The following TBC1D9 variants were observed in gnomAD, a reference collection of about 807,000 sequenced individuals.
TBC1D9 encodes TBC1 domain family member 9.
In TBC1D9, 63 loss-of-function variants were observed where a neutral mutation model predicts 132.0. The ratio of observed to expected loss-of-function variants is 0.48; its 90% CI spans 0.39 to 0.59. The LOEUF is 0.59. Ranked by LOEUF, TBC1D9 falls within the 20% of genes least tolerant of loss-of-function variation. The probability of loss-of-function intolerance (pLI) is 0.00; values close to 1 mark genes in which losing one functional copy is unlikely to be tolerated. For missense variants in TBC1D9, 1,261 were observed against 1,592.7 expected (o/e 0.79, Z 3.54); for synonymous variants, 610 against 609.9 (o/e 1.00, Z 0.00).
intron 1 of TBC1D9, among the ~76,000 whole-genome samples, chr4:140,731,544 G>T (rs1738589799): frequency 6.6e-6 from 1 of 151,910 alleles, no homozygotes; most frequent in Admixed American, 6.6e-5. Flanking sequence ...TAAAATAAAG[G>T]TTTCTAGAAC....
At chr4:140,711,351 G>A (rs990732605) in intron 1 of TBC1D9, among the ~76,000 whole-genome samples, 3 of 152,138 alleles carry the variant, frequency 2.0e-5, no homozygotes, top group Non-Finnish European at 4.4e-5. Context: ...GGCCTTTTTG[G>A]TGTGGTAGGA....
chr4:140,643,897 G>A, intron 13 of TBC1D9: 1 of 709,726 alleles, frequency 1.4e-6, no homozygotes, highest in South Asian at 1.4e-5. Flanking sequence ...AGTGGCAGCG[G>A]CAACTCCAGA....
At chr4:140,723,102 T>C (rs893516113) in intron 1 of TBC1D9, among the ~76,000 whole-genome samples, 2 of 152,224 alleles carry the variant, frequency 1.3e-5, no homozygotes, top group South Asian at 2.1e-4. Flanking sequence ...GTCTGAGTGA[T>C]TATGGCATCT....
intron 20 of TBC1D9, 110 bp downstream of exon 20, chr4:140,624,006 C>T (rs1374233350): frequency 1.6e-5 from 10 of 619,640 alleles, no homozygotes; most frequent in Middle Eastern, 8.8e-4. Context: ...AGTAAAGGCC[C>T]CAGTTATTAT....
intron 2 of TBC1D9, among the ~76,000 whole-genome samples, chr4:140,691,510 G>C (rs1737878144): frequency 6.6e-6 from 1 of 152,194 alleles, no homozygotes; most frequent in South Asian, 2.1e-4. Context: ...ACTCAGAAGA[G>C]AAAGGAAGGG....
At chr4:140,670,415 C>T (rs566949693) in intron 7 of TBC1D9, among the ~76,000 whole-genome samples, 2 of 152,274 alleles carry the variant, frequency 1.3e-5, no homozygotes, top group African/African-American at 4.8e-5. Flanking sequence ...TATTTAGTGA[C>T]CTCTGTACCA....
At chr4:140,741,212 A>G (rs1560901784) in intron 1 of TBC1D9, among the ~76,000 whole-genome samples, 3 of 152,240 alleles carry the variant, frequency 2.0e-5, no homozygotes, top group Admixed American at 6.5e-5. Flanking sequence ...TGACTCTAGT[A>G]TAGCATTACA....
rs1470018921 is a variant in TBC1D9 at position 140,620,946 on chromosome 4, G to T, written c.*1249C>A. The T allele has an allele frequency of 1.3e-5, 2 of 152,532 alleles. No homozygotes were observed. The highest frequency in any genetic ancestry group is 2.9e-5 in the Non-Finnish European group (2 of 67,996). 9.4% of individuals were successfully genotyped at this position (152,532 alleles called of 1,614,324 possible). A position where few individuals can be genotyped will look rare whatever the true frequency, so the allele number is the denominator to read the frequency against. On this transcript the variant is annotated 3_prime_UTR_variant, in exon 21 of 21. Coordinates refer to ENST00000442267, the MANE Select transcript of TBC1D9 (RefSeq NM_015130.3). Reference sequence around the variant, plus strand: ...AATAAAATAAAGGAATGTGTTGAAAGAAATATTCCAAAGAAGCAAAGGAAA... The same window carrying T: ...AATAAAATAAAGGAATGTGTTGAAATAAATATTCCAAAGAAGCAAAGGAAA...
intron 2 of TBC1D9, among the ~76,000 whole-genome samples, chr4:140,687,843 T>C (rs1737812345): frequency 6.6e-6 from 1 of 152,110 alleles, no homozygotes; most frequent in African/African-American, 2.4e-5. Flanking sequence ...CCTGGCACTT[T>C]GGGAGGCTAA....
At position 140,669,085 on chromosome 4, in the gene TBC1D9, A is replaced by G. The variant is rs774163176; in HGVS notation, c.1438-18T>C. Reference sequence around the variant, plus strand: ...TCTTTGGCCTGAAAGGGATAATGAAACATTATGACATCCAAAGTACCCTGA... The same window carrying G: ...TCTTTGGCCTGAAAGGGATAATGAAGCATTATGACATCCAAAGTACCCTGA... On this transcript the variant is annotated intron_variant, in intron 8 of 20. Transcript: ENST00000442267. 3.1e-6 allele frequency: 5 copies of G among 1,613,148 alleles called. No homozygotes were observed. In the South Asian group the frequency reaches 5.5e-5, roughly 18 times the overall value.
chr4:140,704,172 T>C (rs1018732178), intron 1 of TBC1D9, among the ~76,000 whole-genome samples: 17 of 151,554 alleles, frequency 1.1e-4, no homozygotes, highest in Admixed American at 2.0e-4. Context: ...CTGGGGCGGG[T>C]GGATCACTTG....
At chr4:140,649,742 G>A (rs1327162806) in intron 13 of TBC1D9, among the ~76,000 whole-genome samples, 2 of 152,080 alleles carry the variant, frequency 1.3e-5, no homozygotes, top group African/African-American at 4.8e-5. Context: ...GGTGAGGGGG[G>A]CAGAGGAGGC....
chr4:140,734,522 T>C (rs1265838618), intron 1 of TBC1D9, among the ~76,000 whole-genome samples: 1 of 152,136 alleles, frequency 6.6e-6, no homozygotes, highest in Non-Finnish European at 1.5e-5. Context: ...CCAGGTGCGG[T>C]GGCTCACTCC....
At chr4:140,700,343 G>A (rs1738045853) in intron 2 of TBC1D9, among the ~76,000 whole-genome samples, 1 of 151,640 alleles carries the variant, frequency 6.6e-6, no homozygotes. Context: ...CCAGCTACTT[G>A]GGAGGCTGAA....
At position 140,651,133 on chromosome 4, in the gene TBC1D9, GA is replaced by G. The variant is rs538528232; in HGVS notation, c.2337+5963del. Among the ~76,000 whole-genome samples the G allele has an allele frequency of 1.7e-3, 255 of 152,304 alleles. 3 individuals are homozygous for G. Among genetic ancestry groups the G allele is most frequent in the African/African-American group, 5.1e-3 (212 of 41,564 alleles). ...ATTATTCCCAGCATTGTTGATAAAA[GA>G]AAGAGGAAGATGAAGAGGATAGAAA... On this transcript the variant is annotated intron_variant, in intron 13 of 20. Coordinates refer to ENST00000442267, the MANE Select transcript of TBC1D9 (RefSeq NM_015130.3).
At chr4:140,652,843 G>A (rs1171115474) in intron 13 of TBC1D9, among the ~76,000 whole-genome samples, 1 of 152,182 alleles carries the variant, frequency 6.6e-6, no homozygotes, top group African/African-American at 2.4e-5. Flanking sequence ...TTCACAGATT[G>A]TGCCTTCTGT....
chr4:140,674,652 TA>T (rs922756983), intron 6 of TBC1D9, among the ~76,000 whole-genome samples: 15 of 149,896 alleles, frequency 1.0e-4, no homozygotes, highest in South Asian at 4.2e-4. Context: ...CCCTATCTCT[TA>T]AAAAAAAATT....
chr4:140,709,248 T>TCTCTCTCTCTCTCTCACACA (rs1382500714), intron 1 of TBC1D9, among the ~76,000 whole-genome samples: 1 of 104,148 alleles, frequency 9.6e-6, no homozygotes, highest in Admixed American at 9.8e-5. Context: ...TCTCTCTCTC[T>TCTCTCTCTCTCTCTCACACA]CACACACACA....
intron 11 of TBC1D9, 142 bp from the exon 12 acceptor site, chr4:140,657,954 G>C (rs765358699): frequency 2.2e-6 from 2 of 918,446 alleles, no homozygotes; most frequent in Non-Finnish European, 3.3e-6. Context: ...ACTAGACCAA[G>C]GTGTCAACAC....
Sources: gnomAD v4.1 joint callset for allele counts (sites outside exome capture counted in the v4.1 genomes callset) on GRCh38, gnomAD v4.1.1 for gene constraint, MANE v1.5 for transcripts, NCBI Gene and HGNC (gene_info 2026-07-23, HGNC 2026-07-21) for gene names.